Variants in ZNF709 observed in about 807,000 individuals in gnomAD.
The protein encoded by ZNF709 is zinc finger protein 709.
Under a neutral mutation model 10.6 loss-of-function variants are expected in ZNF709, and 15 were observed. The ratio of observed to expected loss-of-function variants is 1.41; its 90% CI spans 0.95 to 2.18. The LOEUF is 2.18. Ranked by LOEUF, ZNF709 falls within the 30% of genes most tolerant of loss-of-function variation. The probability of loss-of-function intolerance (pLI) is 0.00; values close to 1 mark genes in which losing one functional copy is unlikely to be tolerated. For synonymous variants in ZNF709, 194 were observed against 238.8 expected, an observed-to-expected ratio of 0.81 and a Z score of 1.73; for missense variants, 589 against 774.0, an observed-to-expected ratio of 0.76 and a Z score of 2.84.
intron 1 of ZNF709, among the ~76,000 whole-genome samples, chr19:12,483,307 A>ATTTTTTTTTTTTTTT (rs35777030): frequency 1.1e-5 from 1 of 95,234 alleles, no homozygotes; most frequent in Admixed American, 1.1e-4. Context: ...CGCCCAGCTA[A>ATTTTTTTTTTTTTTT]TTTTTTTTTT....
At chr19:12,475,409 A>G (rs1480183586) in intron 1 of ZNF709, among the ~76,000 whole-genome samples, 1 of 152,166 alleles carries the variant, frequency 6.6e-6, no homozygotes, top group Non-Finnish European at 1.5e-5. Context: ...AAAGATCAAT[A>G]TATTTGATAA....
chr19:12,467,072 T>C (rs150766857), intron 1 of ZNF709, among the ~76,000 whole-genome samples: 2 of 152,220 alleles, frequency 1.3e-5, no homozygotes, highest in Non-Finnish European at 2.9e-5. Flanking sequence ...TCAAGTCTTA[T>C]GCTCTCCAAT....
intron 1 of ZNF709, among the ~76,000 whole-genome samples, chr19:12,472,466 G>A (rs1970641406): frequency 1.4e-5 from 2 of 140,358 alleles, no homozygotes; most frequent in Admixed American, 7.7e-5. Flanking sequence ...AGGTTGCAGC[G>A]AGCCCAGATC....
At chr19:12,467,838 G>A (rs867902846) in intron 1 of ZNF709, among the ~76,000 whole-genome samples, 12 of 149,544 alleles carry the variant, frequency 8.0e-5, no homozygotes, top group Admixed American at 1.3e-4. Context: ...CCGCAACCCC[G>A]TCTGAGAAGT....
chr19:12,481,288 T>A, intron 1 of ZNF709: 2 of 601,970 alleles, frequency 3.3e-6, no homozygotes, highest in Non-Finnish European at 4.2e-6. Context: ...TGGATTGCAG[T>A]GCACAATCTC....
chr19:12,472,683 G>A (rs1294114761), intron 1 of ZNF709, among the ~76,000 whole-genome samples: 1 of 152,094 alleles, frequency 6.6e-6, no homozygotes, highest in Non-Finnish European at 1.5e-5. Context: ...AGAAGTTTGA[G>A]ACCAGCCTGG....
Position 12,463,902 on chromosome 19 carries a change from G to T in ZNF709, c.*94C>A. On this transcript the variant is annotated 3_prime_UTR_variant, in exon 4 of 4. Transcript: ENST00000397732. Reference sequence around the variant, plus strand: ...AGATCACTCTACTGCACTCCAGCCAGGGCAACAGAGTGAGAATTCAACTCA... The same window carrying T: ...AGATCACTCTACTGCACTCCAGCCATGGCAACAGAGTGAGAATTCAACTCA... 1 of 1,148,552 alleles carries T rather than the reference G, an allele frequency of 8.7e-7. No individual in the cohort carries two copies. Among genetic ancestry groups the T allele is most frequent in the Non-Finnish European group, 1.2e-6 (1 of 868,500 alleles). The allele number at this position is 1,148,552 out of a possible 1,614,324, so 71.1% of individuals were successfully genotyped here. A position where few individuals can be genotyped will look rare whatever the true frequency, so the allele number is the denominator to read the frequency against.
At chr19:12,480,682 C>CAA (rs373494664) in intron 1 of ZNF709, among the ~76,000 whole-genome samples, 275 of 125,572 alleles carry the variant, frequency 2.2e-3, no homozygotes, top group Non-Finnish European at 3.0e-3. Flanking sequence ...GACTCCGTCT[C>CAA]AAAAAAAAAA....
In ZNF709 at chr19:12,464,438, T is replaced by C; in HGVS notation, c.1484A>G (p.Glu495Gly). Residue 495 changes from glutamate (E) to glycine (G), a missense_variant, in exon 4 of 4, where the codon GAA becomes GGA. Glu to Gly is a moderately conservative substitution (Grantham distance 98, BLOSUM62 -2). Coordinates refer to ENST00000397732, the MANE Select transcript of ZNF709 (RefSeq NM_152601.4). ...FSFSSSFRMH[E>G]RTHTGEKPYE... is the part of the protein sequence containing the mutation. ...GGGTTTCTCTCCAGTGTGAGTCCTT[T>C]CATGCATCCGAAAGGAACTAGAAAA... The C allele has an allele frequency of 6.2e-7, 1 of 1,612,744 alleles. No individual in the cohort carries two copies. The highest frequency in any genetic ancestry group is 2.2e-5 in the East Asian group (1 of 44,804).
At chr19:12,469,636 G>A (rs1970617847) in intron 1 of ZNF709, among the ~76,000 whole-genome samples, 1 of 152,024 alleles carries the variant, frequency 6.6e-6, no homozygotes, top group Non-Finnish European at 1.5e-5. Flanking sequence ...GGGTGTGGTG[G>A]TGGGCGCCTG....
intron 1 of ZNF709, among the ~76,000 whole-genome samples, chr19:12,470,336 C>T (rs1472642179): frequency 6.6e-6 from 1 of 152,156 alleles, no homozygotes; most frequent in African/African-American, 2.4e-5. Context: ...ATATCCACAC[C>T]TTTCTTGTTG....
At position 12,466,520 on chromosome 19, in the gene ZNF709, C is replaced by G; in HGVS notation, c.131-1G>C. 6.2e-7 allele frequency: 1 copy of G among 1,613,982 alleles called. No homozygotes were observed. Among genetic ancestry groups the G allele is most frequent in the Non-Finnish European group, 8.5e-7 (1 of 1,180,004 alleles). The stretch of plus-strand genomic sequence containing the variant: ...ATGTTCTTCTCCTCCCAGTTTTCCC[C>G]TAAAATGCAGGCCCAGAAAAATCAT... On this transcript the variant is annotated splice_acceptor_variant, in intron 2 of 3. Transcript: ENST00000397732. LOFTEE classifies it high-confidence loss of function.
intron 1 of ZNF709, among the ~76,000 whole-genome samples, chr19:12,473,611 G>A (rs1568247959): frequency 6.6e-6 from 1 of 152,058 alleles, no homozygotes; most frequent in Non-Finnish European, 1.5e-5. Flanking sequence ...AATGAGTTTG[G>A]GGATAAGTAT....
intron 1 of ZNF709, among the ~76,000 whole-genome samples, chr19:12,481,986 GAAGGA>G (rs1303681124): frequency 1.3e-5 from 2 of 149,584 alleles, no homozygotes; most frequent in African/African-American, 2.5e-5. Context: ...AGGAAAGGAA[GAAGGA>G]AAGGAAAGGA....
At position 12,465,529 on chromosome 19, in the gene ZNF709, T is replaced by C. The variant is rs2144986978; in HGVS notation, c.393A>G (p.Glu131=). The C allele has an allele frequency of 6.2e-7, 1 of 1,612,098 alleles. No individual in the cohort carries two copies. The highest frequency in any genetic ancestry group is 1.1e-5 in the South Asian group (1 of 90,500). ...MRSHTEHRSY[E]YHKYGEKSYE... The stretch of plus-strand genomic sequence containing the variant: ...ATGATTTCTCTCCATATTTGTGATA[T>C]TCATATGATCTATGTTCAGTATGAG... The change falls in exon 4 of 4, where the codon GAA becomes GAG. Residue 131 remains glutamate (E), a synonymous_variant. Transcript: ENST00000397732.
At chr19:12,480,106 G>C (rs1374981212) in intron 1 of ZNF709, among the ~76,000 whole-genome samples, 2 of 152,010 alleles carry the variant, frequency 1.3e-5, no homozygotes, top group East Asian at 3.9e-4. Flanking sequence ...AGTGAGTTAT[G>C]ATTGTGCCAC....
At chr19:12,477,428 T>C (rs368429731) in intron 1 of ZNF709, among the ~76,000 whole-genome samples, 2 of 152,192 alleles carry the variant, frequency 1.3e-5, no homozygotes, top group African/African-American at 2.4e-5. Flanking sequence ...GTTTAGAGTT[T>C]ACCTGTTCAT....
At chr19:12,475,761 A>AT (rs1970672088) in intron 1 of ZNF709, among the ~76,000 whole-genome samples, 1 of 152,320 alleles carries the variant, frequency 6.6e-6, no homozygotes, top group African/African-American at 2.4e-5. Context: ...GAACAAAGAA[A>AT]TATCACTGTC....
At chr19:12,480,415 G>A (rs1217020993) in intron 1 of ZNF709, among the ~76,000 whole-genome samples, 3 of 152,218 alleles carry the variant, frequency 2.0e-5, no homozygotes, top group Non-Finnish European at 2.9e-5. Context: ...CAGGTGCAGT[G>A]GCTCACGCCT....
Sources: allele counts gnomAD v4.1 joint callset (sites outside exome capture counted in the v4.1 genomes callset), GRCh38; gene constraint gnomAD v4.1.1; transcripts MANE v1.5; gene names NCBI Gene and HGNC (gene_info 2026-07-23, HGNC 2026-07-21).